The following ADAP1 variants were observed in gnomAD, a reference collection of about 807,000 sequenced individuals.
ADAP1 encodes the protein ArfGAP with dual PH domains 1.
A neutral mutation model predicts 54.9 loss-of-function variants in ADAP1; 31 were observed. The observed-to-expected ratio is 0.56, with a 90% confidence interval of 0.42 to 0.76. The LOEUF (loss-of-function observed/expected upper bound fraction) is 0.76, where lower values mean the gene tolerates loss of function less well. Ranked by LOEUF, ADAP1 falls within the 30% of genes least tolerant of loss-of-function variation. ADAP1 has a pLI of 0.00. For synonymous variants in ADAP1, 313 were observed against 202.6 expected, an observed-to-expected ratio of 1.55 and a Z score of -4.63; for missense variants, 535 against 512.4, an observed-to-expected ratio of 1.04 and a Z score of -0.42.
At chr7:902,636 A>T (rs1490391270) in intron 6 of ADAP1, among the ~76,000 whole-genome samples, 1 of 151,736 alleles carries the variant, frequency 6.6e-6, no homozygotes, top group African/African-American at 2.4e-5. Context: ...GAGCACCAAT[A>T]ACAGGAGTTT....
intron 2 of ADAP1, among the ~76,000 whole-genome samples, chr7:932,344 G>A (rs117647183): frequency 3.3e-5 from 5 of 151,536 alleles, no homozygotes; most frequent in East Asian, 1.9e-4. Context: ...GTCCTCTCCC[G>A]CTGATTACAT....
intron 4 of ADAP1, among the ~76,000 whole-genome samples, chr7:911,261 G>A (rs1845710491): frequency 6.6e-6 from 1 of 152,084 alleles, no homozygotes; most frequent in African/African-American, 2.4e-5. Flanking sequence ...TTCTCATATA[G>A]CCCCCAGCAT....
At chr7:940,676 C>T (rs1467299531) in intron 1 of ADAP1, among the ~76,000 whole-genome samples, 1 of 152,132 alleles carries the variant, frequency 6.6e-6, no homozygotes, top group Non-Finnish European at 1.5e-5. Context: ...TCCCATATGA[C>T]ACAGCCACCC....
rs1845216724 is a variant in ADAP1 at position 905,754 on chromosome 7, G to GGGAAA, written c.389-583_389-582insTTTCC. On this transcript the variant is annotated intron_variant, in intron 4 of 10. Transcript: ENST00000265846. Reference sequence around the variant, plus strand: ...GAGAAAGGGAAAGGAGAAGGGAGAAGGGAGAAGGGAGAAAGGAGAAAGGAG... The same window carrying GGGAAA: ...GAGAAAGGGAAAGGAGAAGGGAGAAGGGAAAGGAGAAGGGAGAAAGGAGAAAGGAG... 4 of 3,798 alleles carry GGGAAA rather than the reference G, an allele frequency of 1.1e-3. 1 individual carries two copies. Among genetic ancestry groups the GGGAAA allele is most frequent in the African/African-American group, 5.6e-3 (3 of 534 alleles). 0.2% of individuals were successfully genotyped at this position (3,798 alleles called of 1,614,324 possible).
chr7:927,363 T>C (rs1846426120), intron 2 of ADAP1: 6 of 719,358 alleles, frequency 8.3e-6, no homozygotes, highest in Admixed American at 5.4e-5. Flanking sequence ...CAGCCAGGTA[T>C]GGTGAGCCTT....
chr7:928,314 T>C (rs1846456046), intron 2 of ADAP1, among the ~76,000 whole-genome samples: 1 of 152,136 alleles, frequency 6.6e-6, no homozygotes, highest in African/African-American at 2.4e-5. Flanking sequence ...CTATGAGCTA[T>C]GGTTACACCA....
intron 1 of ADAP1, among the ~76,000 whole-genome samples, chr7:944,760 T>C (rs1217396889): frequency 6.6e-6 from 1 of 152,150 alleles, no homozygotes; most frequent in Non-Finnish European, 1.5e-5. Flanking sequence ...AAAAGTACAA[T>C]AAATTATTGT....
chr7:919,922 C>CAGGGAG, intron 4 of ADAP1, 46 bp downstream of exon 4: 1 of 1,442,028 alleles, frequency 6.9e-7, no homozygotes, highest in Non-Finnish European at 9.3e-7. Flanking sequence ...GGGAGAGAGC[C>CAGGGAG]AGGGAGAGGT....
intron 3 of ADAP1, chr7:923,041 G>A (rs1343546558): frequency 6.6e-6 from 1 of 152,050 alleles, no homozygotes; most frequent in Non-Finnish European, 1.5e-5. Flanking sequence ...AACGTGCCCG[G>A]TGTCCTTAGG....
intron 5 of ADAP1, among the ~76,000 whole-genome samples, chr7:904,484 T>C (rs1293736115): frequency 1.3e-5 from 2 of 152,090 alleles, no homozygotes; most frequent in Non-Finnish European, 2.9e-5. Flanking sequence ...TCAACGACAC[T>C]GTGCAGGTGG....
At chr7:949,499 C>T (rs1200296094) in intron 1 of ADAP1, among the ~76,000 whole-genome samples, 1 of 152,262 alleles carries the variant, frequency 6.6e-6, no homozygotes, top group Non-Finnish European at 1.5e-5. Context: ...GGCCTGGGGG[C>T]AGGGGCAGTG....
intron 4 of ADAP1, among the ~76,000 whole-genome samples, chr7:907,388 C>T (rs1228279619): frequency 2.6e-5 from 4 of 152,080 alleles, no homozygotes; most frequent in East Asian, 1.9e-4. Context: ...AGCCCAGGAG[C>T]ACCAGGGAGA....
chr7:936,021 C>A (rs190466240), intron 1 of ADAP1, among the ~76,000 whole-genome samples: 20 of 152,350 alleles, frequency 1.3e-4, no homozygotes, highest in African/African-American at 4.8e-4. Flanking sequence ...GATGACGACG[C>A]ACCCTGCGTG....
chr7:904,036 T>C, intron 6 of ADAP1, 90 bp downstream of exon 6: 2 of 1,558,750 alleles, frequency 1.3e-6, no homozygotes, highest in South Asian at 2.3e-5. Flanking sequence ...TACCCTCCCG[T>C]ACCGTCCAAG....
chr7:931,980 G>C (rs1393137550), intron 2 of ADAP1, among the ~76,000 whole-genome samples: 2 of 152,160 alleles, frequency 1.3e-5, no homozygotes, highest in Non-Finnish European at 2.9e-5. Flanking sequence ...GGAGCCAGGG[G>C]GGGCCCAGTG....
chr7:904,079 G>C (rs751863806), intron 6 of ADAP1, 47 bp downstream of exon 6: 1 of 1,602,556 alleles, frequency 6.2e-7, no homozygotes, highest in Admixed American at 1.7e-5. Context: ...GGGCCTGAGG[G>C]CCCACCCTCC....
chr7:900,330 T>TC (rs1302802583), intron 7 of ADAP1, among the ~76,000 whole-genome samples, 166 bp from the exon 8 acceptor site: 2 of 151,944 alleles, frequency 1.3e-5, no homozygotes, highest in African/African-American at 4.8e-5. Flanking sequence ...TGCCACCCCT[T>TC]CCCTCCCCGC....
intron 4 of ADAP1, chr7:905,636 GAAAGGA>G (rs1845189271): frequency 8.5e-5 from 3 of 35,114 alleles, no homozygotes; most frequent in African/African-American, 3.1e-4. Flanking sequence ...AGGAGAAAGG[GAAAGGA>G]GAAAGGGAAA....
chr7:946,306 G>C lies in ADAP1; in HGVS notation c.82+8090C>G, dbSNP rs1221539984. Among the ~76,000 whole-genome samples, 1 of 152,168 alleles carries C rather than the reference G, an allele frequency of 6.6e-6. No individual in the cohort carries two copies. Among genetic ancestry groups the C allele is most frequent in the East Asian group, 1.9e-4 (1 of 5,160 alleles). ...CAGTGACCTCTGGAGCTCCTGGGTG[G>C]GCTGGCAGCCCACACCTCCTCTCTG... On this transcript the variant is annotated intron_variant, in intron 1 of 10. Transcript: ENST00000265846. The surrounding 1 kb of genome is among the most constrained non-coding windows in gnomAD (Gnocchi z 4.3).
Sources: allele counts gnomAD v4.1 joint callset (sites outside exome capture counted in the v4.1 genomes callset), GRCh38; gene constraint gnomAD v4.1.1; non-coding constraint Gnocchi (gnomAD v3.1); transcripts MANE v1.5; gene names NCBI Gene and HGNC (gene_info 2026-07-23, HGNC 2026-07-21).